The following ABL2 variants were observed in gnomAD, a reference collection of about 807,000 sequenced individuals.
The protein encoded by ABL2 is ABL proto-oncogene 2, non-receptor tyrosine kinase.
Under a neutral mutation model 107.7 loss-of-function variants are expected in ABL2, and 49 were observed. The observed-to-expected ratio is 0.45, with a 90% CI of 0.36 to 0.58. ABL2 has a LOEUF of 0.58. Ranked by LOEUF, ABL2 falls within the 20% of genes least tolerant of loss-of-function variation. ABL2 has a pLI of 0.00. For missense variants in ABL2, 1,245 were observed against 1,457.0 expected, an observed-to-expected ratio of 0.85 and a Z score of 2.37; for synonymous variants, 549 against 548.6, an observed-to-expected ratio of 1.00 and a Z score of -0.01.
rs147044158 is a variant in ABL2 at position 179,186,419 on chromosome 1, C to T, written c.157+42822G>A. Among the ~76,000 whole-genome samples, 706 of 152,142 alleles carry T rather than the reference C, an allele frequency of 4.6e-3. 7 individuals are homozygous for T. Among genetic ancestry groups the T allele is most frequent in the African/African-American group, 0.016 (652 of 41,496 alleles). ...TTGAGAGGGAGTTTCGCTCTTCTTG[C>T]CCAGGCTAGAGTGCAATGGCGTGAT... On this transcript the variant is annotated intron_variant, in intron 1 of 11. Transcript: ENST00000502732.
Position 179,222,467 on chromosome 1 carries a change from T to C in ABL2, c.157+6774A>G, listed in dbSNP as rs1345505570. ...GTACAGTAGCACGATCTCGGCTCAC[T>C]GCAACCTCTGCCTCCCAGGATCAAG... On this transcript the variant is annotated intron_variant, in intron 1 of 11. Coordinates refer to ENST00000502732, the MANE Select transcript of ABL2 (RefSeq NM_007314.4). Among the ~76,000 whole-genome samples, 3 of 152,116 alleles carry C rather than the reference T, an allele frequency of 2.0e-5. No homozygotes were observed. The South Asian group carries it at 6.2e-4, about 32-fold the overall frequency.
In ABL2 at chr1:179,100,023, T is replaced by C. The variant is rs1477488872; in HGVS notation, c.*7695A>G. On this transcript the variant is annotated 3_prime_UTR_variant, in exon 12 of 12. Transcript: ENST00000502732. ...AATGGGCACGACAGCAATGCACGTGTATTTATGGACACAAACACACACCAG... is the reference window on the plus strand; with the variant it reads ...AATGGGCACGACAGCAATGCACGTGCATTTATGGACACAAACACACACCAG... 8.6e-6 allele frequency: 2 copies of C among 232,486 alleles called. No individual in the cohort carries two copies. Among genetic ancestry groups the C allele is most frequent in the African/African-American group, 2.2e-5 (1 of 45,320 alleles). The allele number at this position is 232,486 out of a possible 1,614,324, so 14.4% of individuals were successfully genotyped here.
At chr1:179,146,201 C>G (rs139181743) in intron 1 of ABL2, among the ~76,000 whole-genome samples, 8 of 152,208 alleles carry the variant, frequency 5.3e-5, no homozygotes, top group African/African-American at 1.7e-4. Context: ...TGCAGTAGTT[C>G]AGCAATGGGA....
rs143839622 is a variant in ABL2 at position 179,109,150 on chromosome 1, G to T, written c.2117C>A (p.Ala706Asp). 8.4e-5 allele frequency: 136 copies of T among 1,613,668 alleles called. 1 individual carries two copies. Among genetic ancestry groups the T allele is most frequent in the Non-Finnish European group, 1.1e-4 (128 of 1,179,994 alleles). Residue 706 changes from alanine to aspartate, a missense_variant, in exon 12 of 12, where the codon GCC becomes GAC. Coordinates refer to ENST00000502732, the MANE Select transcript of ABL2 (RefSeq NM_007314.4). ...TGGCACCAGATTCGCCTCTTGCTGG[G>T]CAGGAGTGAAAGAGAACCCATCAGC... ...QHADGFSFTPAQQEANLVPPK... is the reference protein window; with the variant it reads ...QHADGFSFTPDQQEANLVPPK...
intron 1 of ABL2, among the ~76,000 whole-genome samples, chr1:179,163,187 C>T (rs1659169914): frequency 6.6e-6 from 1 of 152,284 alleles, no homozygotes; most frequent in African/African-American, 2.4e-5. Flanking sequence ...TGAGACACCA[C>T]TATATGCCTA....
Position 179,126,392 on chromosome 1 carries a change from G to A in ABL2, c.672C>T (p.Thr224=), listed in dbSNP as rs1378715931. 3 of 1,613,594 alleles carry A rather than the reference G, an allele frequency of 1.9e-6. No individual in the cohort carries two copies. The highest frequency in any genetic ancestry group is 3.3e-5 in the Admixed American group (2 of 59,998). ...EGRVYHYRIN[T]TADGKVYVTA... is the part of the protein sequence containing the mutation. ...GGAGTCTTACCTTGCCATCTGCAGT[G>A]GTATTGATCCTGTAGTGATACACAC... The change falls in exon 4 of 12, where the codon ACC becomes ACT. Residue 224 remains threonine, a synonymous_variant. Coordinates refer to ENST00000502732, the MANE Select transcript of ABL2 (RefSeq NM_007314.4). The surrounding 1 kb of genome is among the most constrained non-coding windows in gnomAD (Gnocchi z 4.4).
Position 179,107,616 on chromosome 1 carries a change from A to G in ABL2, c.*102T>C. 1 of 1,510,768 alleles carries G rather than the reference A, an allele frequency of 6.6e-7. No individual in the cohort carries two copies. The highest frequency in any genetic ancestry group is 1.4e-5 in the South Asian group (1 of 73,506). 93.6% of individuals were successfully genotyped at this position (1,510,768 alleles called of 1,614,324 possible). On this transcript the variant is annotated 3_prime_UTR_variant, in exon 12 of 12. Coordinates refer to ENST00000502732, the MANE Select transcript of ABL2 (RefSeq NM_007314.4). ...TGAGGTACTTCACATAAACACACTC[A>G]AGTATGAGTCTTTCATTTTCTGAAA...
chr1:179,151,663 T>C (rs549832097), intron 1 of ABL2, among the ~76,000 whole-genome samples: 2 of 152,300 alleles, frequency 1.3e-5, no homozygotes, highest in African/African-American at 4.8e-5. Context: ...TTTTTCTACA[T>C]CAGTATTTCT....
intron 1 of ABL2, among the ~76,000 whole-genome samples, chr1:179,146,120 T>C (rs1290207176): frequency 1.3e-5 from 2 of 152,130 alleles, no homozygotes; most frequent in African/African-American, 2.4e-5. Flanking sequence ...CTGATTTCCA[T>C]TTTTTAAAAG....
intron 1 of ABL2, among the ~76,000 whole-genome samples, chr1:179,195,358 C>T (rs1336134873): frequency 6.6e-6 from 1 of 152,084 alleles, no homozygotes; most frequent in Admixed American, 6.6e-5. Flanking sequence ...TACTAAAACA[C>T]ACACGAACAC....
At chr1:179,148,246 C>G (rs1406523124) in intron 1 of ABL2, among the ~76,000 whole-genome samples, 2 of 151,682 alleles carry the variant, frequency 1.3e-5, no homozygotes, top group Non-Finnish European at 2.9e-5. Flanking sequence ...CACCATGTTG[C>G]CCAGGCTGCT....
rs1055100842 is a variant in ABL2 at position 179,102,597 on chromosome 1, T to C, written c.*5121A>G. 4.4e-6 allele frequency: 1 copy of C among 228,176 alleles called. No individual in the cohort carries two copies. The highest frequency in any genetic ancestry group is 2.2e-5 in the African/African-American group (1 of 45,016). 14.1% of individuals were successfully genotyped at this position (228,176 alleles called of 1,614,324 possible). ...CACAGAGATGAACCCCAAATCCAGG[T>C]GGAACAATTTAATGCAAGATGATGA... is the stretch of plus-strand genomic sequence containing the variant. On this transcript the variant is annotated 3_prime_UTR_variant, in exon 12 of 12. Transcript: ENST00000502732.
chr1:179,107,962 T>C lies in ABL2; in HGVS notation c.3305A>G (p.Glu1102Gly). 1 of 1,614,240 alleles carries C rather than the reference T, an allele frequency of 6.2e-7. No homozygotes were observed. Among genetic ancestry groups the C allele is most frequent in the Non-Finnish European group, 8.5e-7 (1 of 1,180,042 alleles). The change falls in exon 12 of 12, where the codon GAA (glutamate) becomes GGA (glycine). Residue 1102 changes from glutamate to glycine, a missense_variant. This residue lies in a region of ABL2 where 761 missense variants were observed against 766.4 expected (regional missense o/e 0.99). Transcript: ENST00000502732. ...CADLLSSALT[E>G]PVPNSQLVDT... ...TACCAGCTGGCTGTTGGGCACAGGT[T>C]CCGTGAGTGCACTGGACAGTAGGTC...
chr1:179,191,675 C>A (rs971052380), intron 1 of ABL2, among the ~76,000 whole-genome samples: 5 of 152,098 alleles, frequency 3.3e-5, no homozygotes. Context: ...CCACCCACTT[C>A]GGCCTCCCAA....
At chr1:179,148,649 C>T (rs1162433020) in intron 1 of ABL2, among the ~76,000 whole-genome samples, 1 of 152,150 alleles carries the variant, frequency 6.6e-6, no homozygotes, top group African/African-American at 2.4e-5. Flanking sequence ...CGCCTGTAAT[C>T]TCAGCACTTT....
rs572044191 is a variant in ABL2, at chr1:179,136,722, A to C, written c.158-3348T>G. 6.2e-4 allele frequency among the ~76,000 whole-genome samples: 91 copies of C among 146,984 alleles called. 1 individual carries two copies. Among genetic ancestry groups the C allele is most frequent in the African/African-American group, 2.2e-3 (88 of 40,024 alleles). Reference sequence around the variant, plus strand: ...AATGATCAATAAAAAATAAATAAATAAATAAATAAATAAATAAATAAAAAT... The same window carrying C: ...AATGATCAATAAAAAATAAATAAATCAATAAATAAATAAATAAATAAAAAT... On this transcript the variant is annotated intron_variant, in intron 1 of 11. Transcript: ENST00000502732.
At chr1:179,222,467 T>G (rs1345505570) in intron 1 of ABL2, among the ~76,000 whole-genome samples, 1 of 151,998 alleles carries the variant, frequency 6.6e-6, no homozygotes, top group Non-Finnish European at 1.5e-5. Context: ...CTCGGCTCAC[T>G]GCAACCTCTG....
Position 179,105,676 on chromosome 1 carries a change from C to A in ABL2, c.*2042G>T, listed in dbSNP as rs1653424260. 1 of 226,594 alleles carries A rather than the reference C, an allele frequency of 4.4e-6. No individual in the cohort carries two copies. The allele number at this position is 226,594 out of a possible 1,614,324, so 14.0% of individuals were successfully genotyped here. A position where few individuals can be genotyped will look rare whatever the true frequency, so the allele number is the denominator to read the frequency against. On this transcript the variant is annotated 3_prime_UTR_variant, in exon 12 of 12. Coordinates refer to ENST00000502732, the MANE Select transcript of ABL2 (RefSeq NM_007314.4). ...CCCAGCACCGCGTGTCTCCTCTAAT[C>A]CTCTTAACCTGGGCCTCCTTTGGAG...
At chr1:179,175,832 A>G (rs1660005134) in intron 1 of ABL2, among the ~76,000 whole-genome samples, 1 of 150,080 alleles carries the variant, frequency 6.7e-6, no homozygotes, top group South Asian at 2.1e-4. Context: ...CTGCTAGACA[A>G]GTAGACACAT....
Sources: gnomAD v4.1 joint callset for allele counts (sites outside exome capture counted in the v4.1 genomes callset) on GRCh38, gnomAD v4.1.1 for gene constraint, gnomAD v4.1.1 regional missense constraint, Gnocchi (gnomAD v3.1) non-coding constraint, MANE v1.5 for transcripts, NCBI Gene and HGNC (gene_info 2026-07-23, HGNC 2026-07-21) for gene names.